MGAT4C: variants seen among roughly 807,000 people sequenced by gnomAD.
The protein encoded by MGAT4C is MGAT4 family member C.
Under a neutral mutation model 40.1 loss-of-function variants are expected in MGAT4C, and 19 were observed. The observed-to-expected ratio is 0.47, with a 90% confidence interval of 0.33 to 0.70. MGAT4C has a LOEUF of 0.70. MGAT4C is among the 30% of genes least tolerant of loss of function. MGAT4C has a pLI of 0.02. For missense variants in MGAT4C, 491 were observed against 563.2 expected (o/e 0.87, Z 1.30); for synonymous variants, 181 against 187.1 (o/e 0.97, Z 0.27).
intron 1 of MGAT4C, among the ~76,000 whole-genome samples, chr12:86,739,615 A>C (rs1951036577): frequency 6.6e-6 from 1 of 151,126 alleles, no homozygotes; most frequent in South Asian, 2.1e-4. Flanking sequence ...AATAATAACA[A>C]TTTACATAGC....
rs1884183085 is a variant in MGAT4C at position 85,978,597 on chromosome 12, G to A, written c.*692C>T. On this transcript the variant is annotated 3_prime_UTR_variant, in exon 5 of 5. Transcript: ENST00000611864. ...TAACTCTTCTTTTTTTTTTTCAAAA[G>A]GGAAACTTGAAAAAGACTGCTTCCC... is the stretch of plus-strand genomic sequence containing the variant. The A allele has an allele frequency of 6.7e-6, 1 of 149,946 alleles. No homozygotes were observed. The highest frequency in any genetic ancestry group is 1.5e-5 in the Non-Finnish European group (1 of 67,100). 9.3% of individuals were successfully genotyped at this position (149,946 alleles called of 1,614,324 possible).
chr12:86,619,162 T>C (rs886666811), intron 2 of MGAT4C, among the ~76,000 whole-genome samples: 1 of 152,122 alleles, frequency 6.6e-6, no homozygotes, highest in African/African-American at 2.4e-5. Flanking sequence ...TTATGGGTTT[T>C]GGTATCTACA....
chr12:86,667,403 G>T (rs191069936), intron 2 of MGAT4C, among the ~76,000 whole-genome samples: 1 of 152,262 alleles, frequency 6.6e-6, no homozygotes, highest in Non-Finnish European at 1.5e-5. Context: ...CAAATGGTCA[G>T]AAATACAGAC....
At chr12:86,470,350 T>C (rs370536055) in intron 2 of MGAT4C, among the ~76,000 whole-genome samples, 1 of 152,022 alleles carries the variant, frequency 6.6e-6, no homozygotes, top group African/African-American at 2.4e-5. Context: ...GAAATGAAAA[T>C]ATGAGGACTG....
rs868745036 is a variant in MGAT4C at position 86,710,895 on chromosome 12, G to A, written c.-229+16314C>T. 7.2e-5 allele frequency among the ~76,000 whole-genome samples: 11 copies of A among 152,234 alleles called. No homozygotes were observed. In the South Asian group the frequency reaches 1.5e-3, roughly 20 times the overall value. On this transcript the variant is annotated intron_variant, in intron 2 of 7. Coordinates refer to the MGAT4C transcript ENST00000548651. ...TAATGTCTTTTGCAGCAACTTGGAT[G>A]GACCTCAAGACCATTATTCTAACTG...
intron 2 of MGAT4C, among the ~76,000 whole-genome samples, chr12:86,004,359 C>T (rs1305663555): frequency 1.3e-5 from 2 of 152,044 alleles, no homozygotes. Context: ...AGTGGTGGCT[C>T]TAATTATTAT....
intron 4 of MGAT4C, among the ~76,000 whole-genome samples, chr12:86,299,985 C>T (rs1953771356): frequency 6.6e-6 from 1 of 152,158 alleles, no homozygotes; most frequent in East Asian, 1.9e-4. Context: ...AGTATATGCC[C>T]TTTGCAGTAG....
chr12:86,214,289 A>ACTTT (rs1479873562), intron 1 of MGAT4C, among the ~76,000 whole-genome samples: 1 of 151,092 alleles, frequency 6.6e-6, no homozygotes. Context: ...CATCAGAGAT[A>ACTTT]CTTTCCCCTA....
intron 1 of MGAT4C, among the ~76,000 whole-genome samples, chr12:86,097,639 T>G (rs1386457201): frequency 6.6e-6 from 1 of 151,656 alleles, no homozygotes; most frequent in African/African-American, 2.4e-5. Context: ...TCATTATATT[T>G]CAGCATTTGC....
chr12:86,522,013 G>A (rs1030512986), intron 2 of MGAT4C, among the ~76,000 whole-genome samples: 8 of 152,070 alleles, frequency 5.3e-5, no homozygotes, highest in Non-Finnish European at 8.8e-5. Context: ...CTGAGACTAT[G>A]GGGTTTTCTA....
chr12:86,588,116 A>C (rs1593016751), intron 2 of MGAT4C, among the ~76,000 whole-genome samples: 1 of 151,806 alleles, frequency 6.6e-6, no homozygotes, highest in African/African-American at 2.4e-5. Flanking sequence ...ATTTTGAGAT[A>C]CGTCCCATCA....
At chr12:86,746,305 TA>T (rs2136136222) in intron 1 of MGAT4C, among the ~76,000 whole-genome samples, 1 of 151,770 alleles carries the variant, frequency 6.6e-6, no homozygotes, top group East Asian at 2.0e-4. Context: ...CCAGGGGCCT[TA>T]AAACCCTTTA....
At chr12:86,531,471 A>G (rs1433296117) in intron 2 of MGAT4C, among the ~76,000 whole-genome samples, 1 of 152,044 alleles carries the variant, frequency 6.6e-6, no homozygotes, top group Non-Finnish European at 1.5e-5. Flanking sequence ...CTAAAGCCAT[A>G]TTTGGTAAAG....
chr12:86,081,615 A>C (rs2135544283), intron 1 of MGAT4C, among the ~76,000 whole-genome samples: 1 of 152,244 alleles, frequency 6.6e-6, no homozygotes, highest in East Asian at 1.9e-4. Flanking sequence ...TATTTATTAC[A>C]AGAATTGAAT....
intron 1 of MGAT4C, among the ~76,000 whole-genome samples, chr12:86,820,790 G>C (rs929506298): frequency 1.3e-5 from 2 of 150,762 alleles, no homozygotes; most frequent in Non-Finnish European, 3.0e-5. Flanking sequence ...TGAGGAAATA[G>C]ATATATAATG....
rs374958078 is a variant in MGAT4C at position 86,585,725 on chromosome 12, A to T, written c.-229+141484T>A. 1.6e-4 allele frequency among the ~76,000 whole-genome samples: 22 copies of T among 141,864 alleles called. No homozygotes were observed. In the South Asian group the frequency reaches 1.7e-3, roughly 11 times the overall value. The allele number at this position is 141,864 out of a possible 152,430, so 93.1% of individuals were successfully genotyped here. A position where few individuals can be genotyped will look rare whatever the true frequency, so the allele number is the denominator to read the frequency against. ...CTTTCCCAAATAGGCTCCATGTTTTATTTTTTTTAATTTTTTTTTTAATTT... is the reference window on the plus strand; with the variant it reads ...CTTTCCCAAATAGGCTCCATGTTTTTTTTTTTTTAATTTTTTTTTTAATTT... On this transcript the variant is annotated intron_variant, in intron 2 of 7. Coordinates refer to the MGAT4C transcript ENST00000548651.
intron 2 of MGAT4C, among the ~76,000 whole-genome samples, chr12:86,680,284 T>C (rs1179418764): frequency 6.6e-6 from 1 of 152,062 alleles, no homozygotes; most frequent in Non-Finnish European, 1.5e-5. Flanking sequence ...GTATGTAAAC[T>C]AACTGAAAAT....
At chr12:86,100,135 T>C (rs1415348075) in intron 1 of MGAT4C, among the ~76,000 whole-genome samples, 1 of 151,442 alleles carries the variant, frequency 6.6e-6, no homozygotes, top group Non-Finnish European at 1.5e-5. Context: ...CTCCAGAAAA[T>C]AGTGTATGCC....
intron 2 of MGAT4C, among the ~76,000 whole-genome samples, chr12:86,523,438 C>T (rs879361456): frequency 8.5e-5 from 13 of 152,108 alleles, no homozygotes; most frequent in Admixed American, 3.9e-4. Context: ...AATTTGATCA[C>T]GCTGTGATCT....
Sources: gnomAD v4.1 joint callset for allele counts (sites outside exome capture counted in the v4.1 genomes callset) on GRCh38, gnomAD v4.1.1 for gene constraint, MANE v1.5 for transcripts, NCBI Gene and HGNC (gene_info 2026-07-23, HGNC 2026-07-21) for gene names.